VAT1L: variants seen among roughly 807,000 people sequenced by gnomAD.
VAT1L encodes putative NADPH-dependent quinone oxidoreductase VAT1L.
Under a neutral mutation model 44.1 loss-of-function variants are expected in VAT1L, and 34 were observed. That is an observed-to-expected ratio of 0.77 (90% CI 0.59 to 1.03). VAT1L has a LOEUF of 1.03. Ranked by LOEUF, VAT1L falls within the 50% of genes least tolerant of loss-of-function variation. VAT1L has a pLI of 0.00. For synonymous variants in VAT1L, 253 were observed against 202.2 expected (o/e 1.25, Z -2.13); for missense variants, 615 against 538.8 (o/e 1.14, Z -1.40).
intron 7 of VAT1L, among the ~76,000 whole-genome samples, chr16:77,958,309 T>C (rs2018125412): frequency 6.6e-6 from 1 of 152,156 alleles, no homozygotes; most frequent in African/African-American, 2.4e-5. Context: ...TTCTCCCATA[T>C]CAAATAAATT....
intron 7 of VAT1L, among the ~76,000 whole-genome samples, chr16:77,903,992 T>C (rs1340398393): frequency 6.6e-6 from 1 of 151,968 alleles, no homozygotes; most frequent in Non-Finnish European, 1.5e-5. Flanking sequence ...CGCCTCAGCC[T>C]CCCAAAGTTC....
At chr16:77,863,026 G>T in intron 4 of VAT1L, 136 bp downstream of exon 4, 1 of 1,109,340 alleles carries the variant, frequency 9.0e-7, no homozygotes, top group Non-Finnish European at 1.3e-6. Context: ...TTAGCTCTGT[G>T]CCAAATATTT....
At chr16:77,803,662 G>A (rs567115269) in intron 1 of VAT1L, among the ~76,000 whole-genome samples, 7 of 152,046 alleles carry the variant, frequency 4.6e-5, no homozygotes, top group African/African-American at 1.2e-4. Context: ...CTCGTGATCC[G>A]CCTGCCCGGG....
intron 7 of VAT1L, among the ~76,000 whole-genome samples, chr16:77,953,609 C>T (rs960149682): frequency 6.6e-6 from 1 of 152,112 alleles, no homozygotes; most frequent in African/African-American, 2.4e-5. Flanking sequence ...GGTGCAATCA[C>T]AGCTCACTGC....
At chr16:77,809,887 C>T (rs1234864424) in intron 1 of VAT1L, among the ~76,000 whole-genome samples, 2 of 152,154 alleles carry the variant, frequency 1.3e-5, no homozygotes, top group African/African-American at 4.8e-5. Context: ...CCTTAGTAAC[C>T]AGGAACGGGG....
chr16:77,840,936 A>G (rs1303501660), intron 3 of VAT1L, among the ~76,000 whole-genome samples: 1 of 152,208 alleles, frequency 6.6e-6, no homozygotes, highest in Non-Finnish European at 1.5e-5. Flanking sequence ...CAAATATTCA[A>G]ATTACATAAA....
At chr16:77,935,314 T>G (rs566814730) in intron 7 of VAT1L, among the ~76,000 whole-genome samples, 1 of 152,174 alleles carries the variant, frequency 6.6e-6, no homozygotes, top group Non-Finnish European at 1.5e-5. Context: ...CATTACTGTT[T>G]ATTACAGAAA....
chr16:77,847,718 G>C (rs1439422798), intron 3 of VAT1L, among the ~76,000 whole-genome samples: 1 of 152,208 alleles, frequency 6.6e-6, no homozygotes, highest in Non-Finnish European at 1.5e-5. Context: ...AAGTCGAGTG[G>C]CAAAACCAAG....
intron 1 of VAT1L, among the ~76,000 whole-genome samples, chr16:77,806,564 C>T (rs865776534): frequency 5.3e-5 from 8 of 151,420 alleles, no homozygotes; most frequent in Middle Eastern, 3.4e-3. Context: ...AGCATGGTCT[C>T]GATTTCCTGA....
intron 7 of VAT1L, among the ~76,000 whole-genome samples, chr16:77,958,581 T>A (rs1419119464): frequency 6.8e-6 from 1 of 147,684 alleles, no homozygotes; most frequent in Non-Finnish European, 1.5e-5. Context: ...TTCACCAGAT[T>A]TTTTTTTCCC....
chr16:77,909,712 T>A (rs1336958509), intron 7 of VAT1L, among the ~76,000 whole-genome samples: 1 of 150,236 alleles, frequency 6.7e-6, no homozygotes, highest in South Asian at 2.1e-4. Context: ...TTTCGTGCAA[T>A]CTACCCACAA....
chr16:77,881,227 A>G (rs1013032153), intron 6 of VAT1L, among the ~76,000 whole-genome samples: 3 of 152,170 alleles, frequency 2.0e-5, no homozygotes, highest in Non-Finnish European at 2.9e-5. Context: ...TTGGACTTCT[A>G]TGTGCCAGTG....
At chr16:77,895,317 C>T (rs2017312343) in intron 7 of VAT1L, among the ~76,000 whole-genome samples, 1 of 147,692 alleles carries the variant, frequency 6.8e-6, no homozygotes, top group African/African-American at 2.5e-5. Flanking sequence ...GAAGAATGGC[C>T]CCCTAAAGAT....
intron 4 of VAT1L, among the ~76,000 whole-genome samples, chr16:77,867,688 G>A (rs1239853263): frequency 2.0e-5 from 3 of 151,870 alleles, no homozygotes; most frequent in Non-Finnish European, 2.9e-5. Flanking sequence ...GTGAAACCCC[G>A]TCTCTACTAA....
chr16:77,825,879 C>T lies in VAT1L; in HGVS notation c.579+418C>T, dbSNP rs1291355411. Among the ~76,000 whole-genome samples, 5 of 149,930 alleles carry T rather than the reference C, an allele frequency of 3.3e-5. No homozygotes were observed. The East Asian group carries it at 5.9e-4, about 18-fold the overall frequency. On this transcript the variant is annotated intron_variant, in intron 3 of 8. Coordinates refer to ENST00000302536, the MANE Select transcript of VAT1L (RefSeq NM_020927.3). The stretch of plus-strand genomic sequence containing the variant: ...AAAATAAAAAAAAAAAAAAATTAGC[C>T]GGGCGTAGTGGCAGGCGCCTGTAGT...
chr16:77,885,741 G>A (rs1456171490), intron 7 of VAT1L, among the ~76,000 whole-genome samples: 2 of 152,004 alleles, frequency 1.3e-5, no homozygotes, highest in African/African-American at 4.8e-5. Flanking sequence ...AAAATAACAA[G>A]TACGAAAGTT....
intron 3 of VAT1L, among the ~76,000 whole-genome samples, chr16:77,839,534 T>TAAAA: frequency 1.2e-4 from 1 of 8,580 alleles, no homozygotes; most frequent in Non-Finnish European, 1.8e-4. Flanking sequence ...ATACTCCATA[T>TAAAA]CAAAAAAAAA....
intron 1 of VAT1L, among the ~76,000 whole-genome samples, chr16:77,793,480 C>G (rs1174186524): frequency 1.3e-5 from 2 of 152,132 alleles, no homozygotes; most frequent in Non-Finnish European, 2.9e-5. Context: ...AGAACTGTGC[C>G]TTTGCTGCTA....
chr16:77,857,326 G>A (rs2142438566), intron 3 of VAT1L, among the ~76,000 whole-genome samples: 1 of 152,270 alleles, frequency 6.6e-6, no homozygotes, highest in Non-Finnish European at 1.5e-5. Flanking sequence ...GGAGAAATGA[G>A]GATAAATGAG....
Sources: gnomAD v4.1 joint callset for allele counts (sites outside exome capture counted in the v4.1 genomes callset) on GRCh38, gnomAD v4.1.1 for gene constraint, MANE v1.5 for transcripts, NCBI Gene and HGNC (gene_info 2026-07-23, HGNC 2026-07-21) for gene names.